MPHOSPH9: variants seen among roughly 807,000 people sequenced by gnomAD.
The protein encoded by MPHOSPH9 is M-phase phosphoprotein 9.
In MPHOSPH9, 88 loss-of-function variants were observed where a neutral mutation model predicts 145.5. That is an observed-to-expected ratio of 0.60 (90% CI 0.51 to 0.72). MPHOSPH9 has a LOEUF of 0.72. MPHOSPH9 is among the 30% of genes least tolerant of loss of function. The probability of loss-of-function intolerance (pLI) is 0.00; values close to 1 mark genes in which losing one functional copy is unlikely to be tolerated. For missense variants in MPHOSPH9, 1,238 were observed against 1,386.6 expected (o/e 0.89, Z 1.70); for synonymous variants, 435 against 486.2 (o/e 0.89, Z 1.39).
chr12:123,182,200 A>G (rs1268883719), intron 13 of MPHOSPH9, among the ~76,000 whole-genome samples: 1 of 151,200 alleles, frequency 6.6e-6, no homozygotes, highest in Non-Finnish European at 1.5e-5. Context: ...CAGCCTCCCA[A>G]AGTGCTAGGA....
chr12:123,180,566 G>C (rs2851447), intron 14 of MPHOSPH9, among the ~76,000 whole-genome samples: 90,672 of 152,082 alleles, frequency 0.6, 31,321 homozygotes, highest in Non-Finnish European at 0.75. Context: ...GAAAATCAAA[G>C]CTTGATATTT....
intron 5 of MPHOSPH9, among the ~76,000 whole-genome samples, chr12:123,220,052 G>C (rs559223010): frequency 1.3e-5 from 2 of 151,932 alleles, no homozygotes; most frequent in South Asian, 4.2e-4. Flanking sequence ...AAATTAGCCG[G>C]ACGTGGCGGT....
chr12:123,172,213 T>C (rs1465702890), intron 16 of MPHOSPH9, among the ~76,000 whole-genome samples: 1 of 152,258 alleles, frequency 6.6e-6, no homozygotes, highest in Non-Finnish European at 1.5e-5. Context: ...CCAGTGTCTG[T>C]TGCAACTACT....
intron 13 of MPHOSPH9, 24 bp from the exon 14 acceptor site, chr12:123,181,234 T>C: frequency 6.3e-7 from 1 of 1,592,346 alleles, no homozygotes; most frequent in Non-Finnish European, 8.6e-7. Context: ...CAAAAAAAAA[T>C]TATACCACAA....
At chr12:123,198,557 A>C (rs2046075545) in intron 11 of MPHOSPH9, among the ~76,000 whole-genome samples, 1 of 152,040 alleles carries the variant, frequency 6.6e-6, no homozygotes, top group Non-Finnish European at 1.5e-5. Context: ...CACCTGTAAT[A>C]CTAACACTTT....
In MPHOSPH9 at chr12:123,187,537, A is replaced by AATTTT. The variant is rs1225276205; in HGVS notation, c.2242-6328_2242-6327insAAAAT. Among the ~76,000 whole-genome samples the AATTTT allele has an allele frequency of 2.8e-4, 42 of 152,336 alleles. No homozygotes were observed. The South Asian group carries it at 8.5e-3, about 31-fold the overall frequency. On this transcript the variant is annotated intron_variant, in intron 13 of 23. Coordinates refer to ENST00000606320, the MANE Select transcript of MPHOSPH9 (RefSeq NM_022782.4). Reference sequence around the variant, plus strand: ...ATTTGTATGAAACAAAACAAAGCCAAGAAATAGGCAAAATAATTTTTACAA... The same window carrying AATTTT: ...ATTTGTATGAAACAAAACAAAGCCAAATTTTGAAATAGGCAAAATAATTTTTACAA...
chr12:123,227,741 AT>A (rs2047485540), intron 2 of MPHOSPH9, 125 bp from the exon 3 acceptor site: 5 of 765,778 alleles, frequency 6.5e-6, no homozygotes, highest in Middle Eastern at 3.5e-4. Flanking sequence ...ATGGCACCTC[AT>A]TTGTTCAAAA....
At chr12:123,183,391 T>C (rs1255990200) in intron 13 of MPHOSPH9, among the ~76,000 whole-genome samples, 5 of 151,108 alleles carry the variant, frequency 3.3e-5, no homozygotes, top group African/African-American at 9.7e-5. Context: ...CTACTAAAAA[T>C]ACAAAAATTA....
Position 123,181,223 on chromosome 12 carries a change from A to C in MPHOSPH9, c.2242-13T>G. On this transcript the variant is annotated splice_polypyrimidine_tract_variant and intron_variant, in intron 13 of 23. Transcript: ENST00000606320. ...ACTCTCCTAAAAGCTACAAGGAAAA[A>C]CAAAAAAAAATTATACCACAAAATT... 1.9e-6 allele frequency: 3 copies of C among 1,608,360 alleles called. No individual in the cohort carries two copies. The highest frequency in any genetic ancestry group is 2.6e-6 in the Non-Finnish European group (3 of 1,176,264).
At chr12:123,216,970 C>A (rs1050219780) in intron 6 of MPHOSPH9, among the ~76,000 whole-genome samples, 5 of 150,378 alleles carry the variant, frequency 3.3e-5, no homozygotes. Flanking sequence ...GCCTGGGCAA[C>A]AGAGCAAGAC....
intron 5 of MPHOSPH9, 57 bp from the exon 6 acceptor site, chr12:123,218,556 T>C (rs2851451): frequency 0.76 from 1,186,839 of 1,556,472 alleles, 464,338 homozygotes; most frequent in East Asian, 1. Flanking sequence ...GACAGAGTCT[T>C]GCTGTGTCGC....
intron 8 of MPHOSPH9, among the ~76,000 whole-genome samples, chr12:123,204,298 G>A (rs1216142891): frequency 1.5e-4 from 14 of 94,734 alleles, no homozygotes; most frequent in Non-Finnish European, 2.9e-4. Context: ...GCGAAACTCC[G>A]TCTCAAAAAA....
At position 123,198,295 on chromosome 12, in the gene MPHOSPH9, A is replaced by C; in HGVS notation, c.1977T>G (p.Ser659Arg). The C allele has an allele frequency of 6.2e-7, 1 of 1,612,644 alleles. No homozygotes were observed. The highest frequency in any genetic ancestry group is 2.2e-5 in the East Asian group (1 of 44,832). The change falls in exon 12 of 24, where the codon AGT becomes AGG. Residue 659 changes from serine (S) to arginine (R), a missense_variant. Ser to Arg is a moderately radical substitution (Grantham distance 110). This residue lies in a region of MPHOSPH9 where 837 missense variants were observed against 897.5 expected (regional missense o/e 0.93). Coordinates refer to ENST00000606320, the MANE Select transcript of MPHOSPH9 (RefSeq NM_022782.4). The stretch of plus-strand genomic sequence containing the variant: ...TCTTATTTTCAAGTGTTCTCACGCG[A>C]CTAGTAGCTTCATGCAAAGCACTAT... ...QLDSALHEAT[S>R]RVRTLENKNN...
At chr12:123,226,343 C>T in intron 3 of MPHOSPH9, 2 of 1,180,614 alleles carry the variant, frequency 1.7e-6, no homozygotes, top group South Asian at 1.6e-5. Flanking sequence ...ATTTCGCTTA[C>T]TCTACATTCT....
intron 6 of MPHOSPH9, 119 bp downstream of exon 6, chr12:123,218,257 T>C: frequency 7.1e-7 from 1 of 1,404,674 alleles, no homozygotes; most frequent in East Asian, 2.4e-5. Flanking sequence ...AAAAAAAATG[T>C]ATAAATGAAC....
At chr12:123,242,397 A>G (rs141049862) in intron 1 of MPHOSPH9, among the ~76,000 whole-genome samples, 270 of 152,282 alleles carry the variant, frequency 1.8e-3, no homozygotes, top group African/African-American at 6.1e-3. Flanking sequence ...TCATGTCACA[A>G]TGAGCTATAA....
chr12:123,176,644 T>C (rs1286048903), intron 16 of MPHOSPH9, 44 bp downstream of exon 16: 3 of 1,405,628 alleles, frequency 2.1e-6, no homozygotes, highest in Middle Eastern at 1.8e-4. Flanking sequence ...AATAAAAGCA[T>C]GCACCTATTT....
intron 12 of MPHOSPH9, among the ~76,000 whole-genome samples, chr12:123,196,459 T>C (rs1565936773): frequency 2.0e-5 from 3 of 152,174 alleles, no homozygotes; most frequent in African/African-American, 7.2e-5. Context: ...TTTTATCGTC[T>C]AATAGATATT....
Position 123,154,684 on chromosome 12 carries a change from A to G in MPHOSPH9, c.*2123T>C, listed in dbSNP as rs1166677856. The G allele has an allele frequency of 6.6e-6, 1 of 152,196 alleles. No homozygotes were observed. Among genetic ancestry groups the G allele is most frequent in the East Asian group, 1.9e-4 (1 of 5,200 alleles). The allele number at this position is 152,196 out of a possible 1,614,324, so 9.4% of individuals were successfully genotyped here. A position where few individuals can be genotyped will look rare whatever the true frequency, so the allele number is the denominator to read the frequency against. On this transcript the variant is annotated 3_prime_UTR_variant, in exon 24 of 24. Coordinates refer to ENST00000606320, the MANE Select transcript of MPHOSPH9 (RefSeq NM_022782.4). The stretch of plus-strand genomic sequence containing the variant: ...AGTAGATTTTACAATAAAAGTAGGG[A>G]ACAAGGAAATATCCTAACAATTTTC...
Sources: gnomAD v4.1 joint callset for allele counts (sites outside exome capture counted in the v4.1 genomes callset) on GRCh38, gnomAD v4.1.1 for gene constraint, gnomAD v4.1.1 regional missense constraint, MANE v1.5 for transcripts, NCBI Gene and HGNC (gene_info 2026-07-23, HGNC 2026-07-21) for gene names.